Variants in PHF20L1 observed in about 807,000 individuals in gnomAD.
The protein encoded by PHF20L1 is PHD finger protein 20-like protein 1.
Under a neutral mutation model 125.5 loss-of-function variants are expected in PHF20L1, and 44 were observed. The observed-to-expected ratio is 0.35, with a 90% CI of 0.28 to 0.45. PHF20L1 has a LOEUF of 0.45. Ranked by LOEUF, PHF20L1 falls within the 20% of genes least tolerant of loss-of-function variation. The pLI, the probability that PHF20L1 is intolerant of heterozygous loss-of-function variation, is 1.00. For synonymous variants in PHF20L1, 380 were observed against 403.1 expected, an observed-to-expected ratio of 0.94 and a Z score of 0.69; for missense variants, 1,012 against 1,217.2, an observed-to-expected ratio of 0.83 and a Z score of 2.51.
intron 12 of PHF20L1, among the ~76,000 whole-genome samples, chr8:132,822,405 G>A (rs1054643524): frequency 4.6e-5 from 7 of 151,892 alleles, no homozygotes; most frequent in Middle Eastern, 3.2e-3. Flanking sequence ...AAACATCATT[G>A]TTCCACCTTT....
At chr8:132,777,745 C>T in intron 1 of PHF20L1, 47 bp from the exon 2 acceptor site, 1 of 835,628 alleles carries the variant, frequency 1.2e-6, no homozygotes, top group Non-Finnish European at 2.1e-6. Flanking sequence ...TACTCTACTT[C>T]CTATGCATTT....
At chr8:132,832,094 A>G (rs1836843319) in intron 14 of PHF20L1, 141 bp from the exon 15 acceptor site, 3 of 626,008 alleles carry the variant, frequency 4.8e-6, no homozygotes, top group East Asian at 5.3e-5. Flanking sequence ...CATCAGATCC[A>G]TATGTAGCTT....
At chr8:132,826,608 T>C (rs1372406807) in intron 14 of PHF20L1, 2 of 152,018 alleles carry the variant, frequency 1.3e-5, no homozygotes, top group South Asian at 2.1e-4. Flanking sequence ...TAAAAAAGTT[T>C]TAAAACTAAA....
chr8:132,796,893 A>G (rs1326691289), intron 4 of PHF20L1, among the ~76,000 whole-genome samples: 3 of 152,240 alleles, frequency 2.0e-5, no homozygotes, highest in Non-Finnish European at 4.4e-5. Flanking sequence ...ATTGCCCTCT[A>G]CATTAATTCA....
chr8:132,779,264 G>A (rs765454671), intron 2 of PHF20L1, among the ~76,000 whole-genome samples: 1 of 152,190 alleles, frequency 6.6e-6, no homozygotes, highest in Non-Finnish European at 1.5e-5. Context: ...CTCTCCTAGT[G>A]ACGATCAAAA....
chr8:132,796,155 A>G (rs950965167), intron 4 of PHF20L1, among the ~76,000 whole-genome samples: 2 of 152,112 alleles, frequency 1.3e-5, no homozygotes, highest in African/African-American at 4.8e-5. Flanking sequence ...TAGTGATCAA[A>G]GTGCTTTTCT....
intron 6 of PHF20L1, chr8:132,803,464 T>G (rs1209040658): frequency 5.3e-6 from 1 of 189,422 alleles, no homozygotes; most frequent in Non-Finnish European, 1.1e-5. Context: ...GAGAAAGAGA[T>G]GGAATGCAAC....
rs113897793 is a variant in PHF20L1, at chr8:132,847,418, G to A, written c.*1495G>A. ...TGCCTCATTCTGTTTATCAGTTCTC[G>A]CAATCTGTATAAATGCATTTTAGAA... is the stretch of plus-strand genomic sequence containing the variant. On this transcript the variant is annotated 3_prime_UTR_variant, in exon 21 of 21. Coordinates refer to ENST00000395386, the MANE Select transcript of PHF20L1 (RefSeq NM_016018.5). 3.4e-3 allele frequency: 526 copies of A among 152,488 alleles called. 5 individuals carry two copies. The highest frequency in any genetic ancestry group is 6.1e-3 in the Non-Finnish European group (414 of 67,966). The allele number at this position is 152,488 out of a possible 1,614,324, so 9.4% of individuals were successfully genotyped here.
intron 2 of PHF20L1, among the ~76,000 whole-genome samples, chr8:132,783,092 A>C (rs1456764122): frequency 1.3e-5 from 2 of 152,234 alleles, no homozygotes; most frequent in Non-Finnish European, 2.9e-5. Flanking sequence ...AAAACACAAG[A>C]GATTAAATAA....
intron 15 of PHF20L1, among the ~76,000 whole-genome samples, chr8:132,835,306 T>C (rs1837228435): frequency 6.6e-6 from 1 of 152,096 alleles, no homozygotes; most frequent in South Asian, 2.1e-4. Context: ...GGCTAGGGGA[T>C]AGGATGTGAG....
chr8:132,816,665 TA>T (rs765995726), intron 10 of PHF20L1: 4 of 392,974 alleles, frequency 1.0e-5, no homozygotes, highest in Non-Finnish European at 1.8e-5. Context: ...TATTTTCTTT[TA>T]GTTCTAGTAG....
intron 14 of PHF20L1, among the ~76,000 whole-genome samples, chr8:132,829,891 G>T (rs546252409): frequency 6.6e-6 from 1 of 152,136 alleles, no homozygotes; most frequent in South Asian, 2.1e-4. Context: ...TACACATAAA[G>T]AACTGAAAAT....
At chr8:132,823,962 G>A (rs2131767396) in intron 12 of PHF20L1, 42 bp from the exon 13 acceptor site, 1 of 1,232,320 alleles carries the variant, frequency 8.1e-7, no homozygotes, top group Non-Finnish European at 1.2e-6. Context: ...ATACTTTTAA[G>A]TTTTTCTGAT....
chr8:132,785,110 A>G (rs901343626), intron 2 of PHF20L1, among the ~76,000 whole-genome samples: 2 of 152,132 alleles, frequency 1.3e-5, no homozygotes, highest in African/African-American at 4.8e-5. Flanking sequence ...AAGGGTTGGA[A>G]CAAGAGAAAA....
chr8:132,775,595 C>A lies in PHF20L1; in HGVS notation c.-88C>A. The A allele has an allele frequency of 2.9e-6, 1 of 348,294 alleles. No homozygotes were observed. Among genetic ancestry groups the A allele is most frequent in the Non-Finnish European group, 5.2e-6 (1 of 193,210 alleles). The allele number at this position is 348,294 out of a possible 1,614,324, so 21.6% of individuals were successfully genotyped here. ...CCGGGCTGGCCGCCCTGCTCGTGCCCCAGCTCGGCCCCGGACGGCCCGGCT... is the reference window on the plus strand; with the variant it reads ...CCGGGCTGGCCGCCCTGCTCGTGCCACAGCTCGGCCCCGGACGGCCCGGCT... On this transcript the variant is annotated 5_prime_UTR_variant, in exon 1 of 21. Coordinates refer to ENST00000395386, the MANE Select transcript of PHF20L1 (RefSeq NM_016018.5).
At chr8:132,811,444 T>C (rs576110149) in intron 9 of PHF20L1, 3 of 1,019,818 alleles carry the variant, frequency 2.9e-6, no homozygotes, top group South Asian at 8.8e-5. Context: ...ACAAATACTT[T>C]CCATTTGTGA....
At chr8:132,788,529 C>T (rs1831311522) in intron 2 of PHF20L1, among the ~76,000 whole-genome samples, 1 of 151,744 alleles carries the variant, frequency 6.6e-6, no homozygotes, top group Non-Finnish European at 1.5e-5. Flanking sequence ...AGGTAGTTAT[C>T]AACTCTATCT....
intron 18 of PHF20L1, among the ~76,000 whole-genome samples, chr8:132,840,467 TG>T (rs1308428541): frequency 1.3e-5 from 2 of 152,164 alleles, no homozygotes; most frequent in Non-Finnish European, 2.9e-5. Flanking sequence ...CTGCTGCCAG[TG>T]TAAGCTTAGT....
In PHF20L1 at chr8:132,804,631, C is replaced by T. The variant is rs201756001; in HGVS notation, c.738C>T (p.Asn246=). 3.4e-5 allele frequency: 54 copies of T among 1,605,824 alleles called. No homozygotes were observed. Among genetic ancestry groups the T allele is most frequent in the Non-Finnish European group, 4.2e-5 (49 of 1,173,438 alleles). ...TGAAAGTAGGACTTCATGTAGAGAA[C>T]GTTCCAAAGATGGTCTTTCCACAGC... The part of the protein sequence containing the change: ...SSETFGLHVE[N]VPKMVFPQPE... The change falls in exon 8 of 21, where the codon AAC becomes AAT. Residue 246 remains asparagine, a synonymous_variant. Transcript: ENST00000395386.
Sources: gnomAD v4.1 joint callset for allele counts (sites outside exome capture counted in the v4.1 genomes callset) on GRCh38, gnomAD v4.1.1 for gene constraint, MANE v1.5 for transcripts, NCBI Gene and HGNC (gene_info 2026-07-23, HGNC 2026-07-21) for gene names.